The following ZNF729 variants were observed in gnomAD, a reference collection of about 807,000 sequenced individuals.
ZNF729 encodes the protein zinc finger protein 729.
ZNF729 carries 15 observed loss-of-function variants against 12.2 expected under a neutral mutation model. The ratio of observed to expected loss-of-function variants is 1.23; its 90% CI spans 0.82 to 1.89. ZNF729 has a LOEUF of 1.89. ZNF729 is among the 40% of genes most tolerant of loss of function. ZNF729 has a pLI of 0.00. For missense variants in ZNF729, 1,540 were observed against 1,456.7 expected (o/e 1.06, Z -0.93); for synonymous variants, 492 against 476.3 (o/e 1.03, Z -0.43).
chr19:22,316,685 G>T lies in ZNF729; in HGVS notation c.3268G>T (p.Ala1090Ser). ...TGACAAAGCTTTTAAGCATTTCTCA[G>T]CCCTTAGAAAACATAAGGTAATTCA... The part of the protein sequence containing the change: ...ECDKAFKHFS[A>S]LRKHKVIHTG... Residue 1090 changes from alanine to serine, a missense_variant, in exon 4 of 4, where the codon GCC becomes TCC. Physicochemically the swap from Ala to Ser is moderately conservative, Grantham distance 99. Coordinates refer to ENST00000601693, the MANE Select transcript of ZNF729 (RefSeq NM_001242680.2). 1.2e-6 allele frequency: 2 copies of T among 1,610,048 alleles called. No individual in the cohort carries two copies. Among genetic ancestry groups the T allele is most frequent in the Non-Finnish European group, 1.7e-6 (2 of 1,179,082 alleles).
In ZNF729 at chr19:22,314,855, G is replaced by C. The variant is rs1477780525; in HGVS notation, c.1438G>C (p.Ala480Pro). The change falls in exon 4 of 4, where the codon GCA (alanine) becomes CCA (proline). Residue 480 changes from alanine (A) to proline (P), a missense_variant. By Grantham distance (27) the Ala-to-Pro change is conservative. Transcript: ENST00000601693. ...ATCCTCACACCTTACTAGACATAAA[G>C]CAATTCATACTGGAGAGAAACCCTA... ...RQSSHLTRHK[A>P]IHTGEKPYKC... is the part of the protein sequence containing the mutation. The C allele has an allele frequency of 1.2e-6, 2 of 1,607,236 alleles. No individual in the cohort carries two copies. Among genetic ancestry groups the C allele is most frequent in the Non-Finnish European group, 8.5e-7 (1 of 1,177,596 alleles).
At chr19:22,288,912 T>C (rs903612969) in intron 1 of ZNF729, among the ~76,000 whole-genome samples, 1 of 152,100 alleles carries the variant, frequency 6.6e-6, no homozygotes, top group Non-Finnish European at 1.5e-5. Context: ...GTGTAAGAAC[T>C]TGCAAAGTAA....
rs144969854 is a variant in ZNF729, at chr19:22,288,846, C to A, written c.30+2291C>A. On this transcript the variant is annotated intron_variant, in intron 1 of 3. Coordinates refer to ENST00000601693, the MANE Select transcript of ZNF729 (RefSeq NM_001242680.2). ...ATAGTGAAAGAAAAATAGTGCGAAT[C>A]TTTGAAATCAAAAATAATATCCCAA... 3.2e-4 allele frequency among the ~76,000 whole-genome samples: 48 copies of A among 152,074 alleles called. No individual in the cohort carries two copies. The East Asian group carries it at 8.9e-3, about 28-fold the overall frequency.
chr19:22,300,601 G>T (rs1311054995), intron 1 of ZNF729, among the ~76,000 whole-genome samples: 2 of 152,176 alleles, frequency 1.3e-5, no homozygotes, highest in African/African-American at 4.8e-5. Flanking sequence ...AGGCAGAATT[G>T]CTTCTCTGCC....
intron 1 of ZNF729, among the ~76,000 whole-genome samples, chr19:22,293,285 A>G (rs1182315701): frequency 6.6e-6 from 1 of 152,160 alleles, no homozygotes; most frequent in East Asian, 1.9e-4. Flanking sequence ...TCCTGGGTTC[A>G]AGCGATTCTC....
chr19:22,304,762 G>T lies in ZNF729; in HGVS notation c.232G>T (p.Glu78Ter). 5.6e-6 allele frequency: 9 copies of T among 1,613,252 alleles called. No individual in the cohort carries two copies. Among genetic ancestry groups the T allele is most frequent in the Non-Finnish European group, 7.6e-6 (9 of 1,179,618 alleles). The change falls in exon 3 of 4, where the codon GAG (glutamate) becomes TAG (stop). Residue 78 changes from glutamate (E) to a stop codon, truncating the protein, a stop_gained. Coordinates refer to ENST00000601693, the MANE Select transcript of ZNF729 (RefSeq NM_001242680.2). LOFTEE classifies it low-confidence loss of function (END_TRUNC). Reference protein sequence around the residue: ...GKEPWNMKRHEMVTKPPVMRS... With the variant: ...GKEPWNMKRH Reference sequence around the variant, plus strand: ...AGAGCCTTGGAATATGAAGAGACATGAGATGGTAACTAAACCCCCAGGTAT... The same window carrying T: ...AGAGCCTTGGAATATGAAGAGACATTAGATGGTAACTAAACCCCCAGGTAT...
intron 1 of ZNF729, among the ~76,000 whole-genome samples, chr19:22,296,283 ATTAC>A (rs984115526): frequency 6.6e-6 from 1 of 152,126 alleles, no homozygotes; most frequent in African/African-American, 2.4e-5. Flanking sequence ...TAGGCTATTT[ATTAC>A]TTATTCAATT....
intron 3 of ZNF729, among the ~76,000 whole-genome samples, chr19:22,306,650 T>C (rs1181308074): frequency 6.6e-6 from 1 of 151,384 alleles, no homozygotes; most frequent in Admixed American, 6.6e-5. Context: ...ATGTAAAATA[T>C]CTTAAGATTA....
In ZNF729 at chr19:22,314,529, C is replaced by G. The variant is rs1968497180; in HGVS notation, c.1112C>G (p.Thr371Ser). ...CTTAGAAAACATGAGATAATTCATA[C>G]TGGAGAGAAACCCTACAAATGTGAA... ...STLRKHEIIH[T>S]GEKPYKCEEC... Residue 371 changes from threonine to serine, a missense_variant, in exon 4 of 4, where the codon ACT becomes AGT. Coordinates refer to ENST00000601693, the MANE Select transcript of ZNF729 (RefSeq NM_001242680.2). The G allele has an allele frequency of 1.2e-6, 2 of 1,611,014 alleles. No individual in the cohort carries two copies. The highest frequency in any genetic ancestry group is 2.2e-5 in the East Asian group (1 of 44,824).
In ZNF729 at chr19:22,317,053, A is replaced by G; in HGVS notation, c.3636A>G (p.Arg1212=). The G allele has an allele frequency of 6.2e-7, 1 of 1,607,988 alleles. No individual in the cohort carries two copies. The highest frequency in any genetic ancestry group is 8.5e-7 in the Non-Finnish European group (1 of 1,178,250). Reference sequence around the variant, plus strand: ...TTAGACATAAAACAATTCATACCAGAGAGAAACCTACAAATGTGAAGAAAG... The same window carrying G: ...TTAGACATAAAACAATTCATACCAGGGAGAAACCTACAAATGTGAAGAAAG... ...YLIRHKTIHT[R]EKPTNVKKVP... is the part of the protein sequence containing the mutation. Residue 1212 remains arginine (R), a synonymous_variant, in exon 4 of 4, where the codon AGA becomes AGG. Transcript: ENST00000601693.
At chr19:22,304,666 T>A in intron 2 of ZNF729, 22 bp from the exon 3 acceptor site, 1 of 1,584,212 alleles carries the variant, frequency 6.3e-7, no homozygotes, top group Non-Finnish European at 8.6e-7. Flanking sequence ...AATATTTATG[T>A]TATTTATTTT....
In ZNF729 at chr19:22,316,749, A is replaced by T. The variant is rs770444017; in HGVS notation, c.3332A>T (p.Lys1111Ile). 2.3e-5 allele frequency: 37 copies of T among 1,612,900 alleles called. No homozygotes were observed. Among genetic ancestry groups the T allele is most frequent in the Non-Finnish European group, 3.1e-5 (37 of 1,179,774 alleles). The change falls in exon 4 of 4, where the codon AAA becomes ATA. Residue 1111 changes from lysine to isoleucine, a missense_variant. Transcript: ENST00000601693. ...KKPYQCDECG[K>I]AFNNSSTLTK... is the part of the protein sequence containing the mutation. ...CCCTACCAATGTGACGAATGTGGCA[A>T]AGCTTTTAACAATTCCTCAACCCTT...
intron 1 of ZNF729, among the ~76,000 whole-genome samples, chr19:22,296,594 A>G (rs1968233051): frequency 1.3e-5 from 2 of 151,858 alleles, no homozygotes; most frequent in Non-Finnish European, 1.5e-5. Context: ...ATAGTTTTTC[A>G]TATCTAAATC....
At chr19:22,300,710 G>A (rs1227700128) in intron 1 of ZNF729, among the ~76,000 whole-genome samples, 1 of 152,172 alleles carries the variant, frequency 6.6e-6, no homozygotes, top group African/African-American at 2.4e-5. Context: ...ATGTTTTTCA[G>A]TGACTCTTGT....
chr19:22,317,172 T>C lies in ZNF729; in HGVS notation c.3755T>C (p.Phe1252Ser), dbSNP rs770025991. The change falls in exon 4 of 4, where the codon TTT (phenylalanine) becomes TCT (serine). Residue 1252 changes from phenylalanine to serine, a missense_variant. Phe to Ser is a radical substitution (Grantham distance 155, BLOSUM62 -2). Coordinates refer to ENST00000601693, the MANE Select transcript of ZNF729 (RefSeq NM_001242680.2). ...AAATGTGAAGAATGTGCCAAAGCTT[T>C]TTAACCATCCTTCAACCCTTACTAA... ...PYKCEECAKA[F>S] 1.3e-6 allele frequency: 2 copies of C among 1,595,468 alleles called. No individual in the cohort carries two copies. Among genetic ancestry groups the C allele is most frequent in the African/African-American group, 2.7e-5 (2 of 74,446 alleles).
chr19:22,312,350 C>A (rs1378296346), intron 3 of ZNF729, among the ~76,000 whole-genome samples: 1 of 151,660 alleles, frequency 6.6e-6, no homozygotes, highest in Non-Finnish European at 1.5e-5. Context: ...CATAATGTAG[C>A]CTTGTCCTGG....
intron 1 of ZNF729, among the ~76,000 whole-genome samples, chr19:22,292,143 G>A (rs899134590): frequency 2.2e-4 from 34 of 152,150 alleles, no homozygotes; most frequent in South Asian, 8.3e-4. Context: ...TGTCATTGAG[G>A]TATTAAGCAC....
rs1216966558 is a variant in ZNF729, at chr19:22,301,391, G to T, written c.31-2367G>T. Among the ~76,000 whole-genome samples, 4 of 151,972 alleles carry T rather than the reference G, an allele frequency of 2.6e-5. No individual in the cohort carries two copies. In the East Asian group the frequency reaches 7.7e-4, roughly 29 times the overall value. On this transcript the variant is annotated intron_variant, in intron 1 of 3. Coordinates refer to ENST00000601693, the MANE Select transcript of ZNF729 (RefSeq NM_001242680.2). ...TTTCTCAGCTTTTTCGTTTTAGGTA[G>T]ACATATTTAGAATGTGCCAGAGTAG...
In ZNF729 at chr19:22,313,697, CT is replaced by C; in HGVS notation, c.283del (p.Trp95GlyfsTer13). ...TATGCGTTCTCATTTTACACAAGAC[CT>C]TTGGCCAGATCAGAGCACAAAAGAT... ...PVMRSHFTQD[L>X]WPDQSTKDSF... On this transcript the variant is annotated frameshift_variant, in exon 4 of 4. Coordinates refer to ENST00000601693, the MANE Select transcript of ZNF729 (RefSeq NM_001242680.2). LOFTEE classifies it low-confidence loss of function (END_TRUNC). 6.6e-7 allele frequency: 1 copy of C among 1,523,346 alleles called. No individual in the cohort carries two copies. The allele number at this position is 1,523,346 out of a possible 1,614,324, so 94.4% of individuals were successfully genotyped here.
Sources: allele counts gnomAD v4.1 joint callset (sites outside exome capture counted in the v4.1 genomes callset), GRCh38; gene constraint gnomAD v4.1.1; transcripts MANE v1.5; gene names NCBI Gene and HGNC (gene_info 2026-07-23, HGNC 2026-07-21).